Variants in AP3B1 observed in about 807,000 individuals in gnomAD.
The protein encoded by AP3B1 is adaptor related protein complex 3 subunit beta 1.
AP3B1 carries 61 observed loss-of-function variants against 132.5 expected under a neutral mutation model. The observed-to-expected ratio is 0.46, with a 90% CI of 0.37 to 0.57. The LOEUF is 0.57. AP3B1 is among the 20% of genes least tolerant of loss of function. The pLI is 0.00. For synonymous variants in AP3B1, 388 were observed against 438.3 expected (o/e 0.89, Z 1.43); for missense variants, 1,120 against 1,289.4 (o/e 0.87, Z 2.01).
intron 26 of AP3B1, among the ~76,000 whole-genome samples, chr5:78,011,447 G>A (rs1375123332): frequency 2.0e-5 from 3 of 152,156 alleles, no homozygotes; most frequent in Non-Finnish European, 4.4e-5. Flanking sequence ...ATAGTATACT[G>A]TTTGGCTCTG....
intron 21 of AP3B1, among the ~76,000 whole-genome samples, chr5:78,091,556 A>G (rs1427851918): frequency 6.6e-6 from 1 of 152,128 alleles, no homozygotes; most frequent in Non-Finnish European, 1.5e-5. Flanking sequence ...ATCACTGGAG[A>G]AGGAGTGGAA....
chr5:78,220,362 T>C (rs1238385802), intron 6 of AP3B1, among the ~76,000 whole-genome samples: 1 of 150,378 alleles, frequency 6.6e-6, no homozygotes, highest in Non-Finnish European at 1.5e-5. Flanking sequence ...TAAGCCTAAC[T>C]TCAAAACAGA....
chr5:78,253,597 C>A (rs1242595113), intron 2 of AP3B1, among the ~76,000 whole-genome samples: 1 of 152,170 alleles, frequency 6.6e-6, no homozygotes, highest in East Asian at 1.9e-4. Flanking sequence ...AAATATGTGA[C>A]CTTTCAGATA....
intron 1 of AP3B1, among the ~76,000 whole-genome samples, chr5:78,286,997 A>G (rs1474815354): frequency 6.6e-6 from 1 of 152,182 alleles, no homozygotes; most frequent in Non-Finnish European, 1.5e-5. Flanking sequence ...TCAGTAGTTC[A>G]TTTATATACA....
At chr5:78,087,183 C>T (rs1396536993) in intron 22 of AP3B1, among the ~76,000 whole-genome samples, 1 of 152,138 alleles carries the variant, frequency 6.6e-6, no homozygotes, top group Admixed American at 6.5e-5. Context: ...TAGATGTACT[C>T]TATCATCTAT....
chr5:78,240,981 T>C, intron 2 of AP3B1, 45 bp from the exon 3 acceptor site: 1 of 1,343,182 alleles, frequency 7.4e-7, no homozygotes, highest in Non-Finnish European at 1.1e-6. Context: ...TCTATATATA[T>C]TAAATATTTA....
At chr5:78,076,317 T>A (rs1388035685) in intron 22 of AP3B1, among the ~76,000 whole-genome samples, 1 of 152,246 alleles carries the variant, frequency 6.6e-6, no homozygotes, top group Non-Finnish European at 1.5e-5. Context: ...CTTCATATTC[T>A]GGTCTGAATA....
intron 24 of AP3B1, among the ~76,000 whole-genome samples, chr5:78,027,404 T>A (rs1747378611): frequency 6.6e-6 from 1 of 152,088 alleles, no homozygotes; most frequent in Admixed American, 6.5e-5. Flanking sequence ...AATTCTCTGG[T>A]TTCATTGGTT....
intron 18 of AP3B1, among the ~76,000 whole-genome samples, chr5:78,115,302 G>A (rs1751777728): frequency 6.6e-6 from 1 of 152,088 alleles, no homozygotes; most frequent in Admixed American, 6.6e-5. Context: ...CTTACAGTAG[G>A]GTAGCAGATA....
intron 21 of AP3B1, among the ~76,000 whole-genome samples, chr5:78,090,188 C>T (rs970174968): frequency 5.3e-5 from 8 of 152,242 alleles, no homozygotes; most frequent in African/African-American, 1.4e-4. Context: ...CCAGCCCAAA[C>T]AGCCCTTCCT....
rs775073514 is a variant in AP3B1 at position 78,020,742 on chromosome 5, T to A, written c.2942A>T (p.Glu981Val). The change falls in exon 25 of 27, where the codon GAA becomes GTA. Residue 981 changes from glutamate (E) to valine (V), a missense_variant. By Grantham distance (121) the Glu-to-Val change is moderately radical. Around this residue, in one of 3 missense-constraint regions of AP3B1, gnomAD observed 906 missense variants for 997.1 expected, o/e 0.91. Coordinates refer to ENST00000255194, the MANE Select transcript of AP3B1 (RefSeq NM_003664.5). Reference sequence around the variant, plus strand: ...TGACATGGCCACAGGTAAAAGCAGTTCTCCAACAGGTGGCTGAATATTAAC... The same window carrying A: ...TGACATGGCCACAGGTAAAAGCAGTACTCCAACAGGTGGCTGAATATTAAC... ...FNVNIQPPVGELLLPVAMSEK... is the reference protein window; with the variant it reads ...FNVNIQPPVGVLLLPVAMSEK... 6.2e-7 allele frequency: 1 copy of A among 1,612,752 alleles called. No homozygotes were observed. The highest frequency in any genetic ancestry group is 2.2e-5 in the East Asian group (1 of 44,790).
chr5:78,020,502 G>A (rs1747044810), intron 25 of AP3B1, among the ~76,000 whole-genome samples, 190 bp downstream of exon 25: 1 of 152,060 alleles, frequency 6.6e-6, no homozygotes, highest in Admixed American at 6.6e-5. Flanking sequence ...CAATTTTCAA[G>A]TATGCCAGGA....
At chr5:78,144,665 G>A (rs1481916389) in intron 14 of AP3B1, among the ~76,000 whole-genome samples, 2 of 152,142 alleles carry the variant, frequency 1.3e-5, no homozygotes, top group Non-Finnish European at 2.9e-5. Flanking sequence ...GAAATGGCAG[G>A]CATCCTGTGA....
intron 2 of AP3B1, among the ~76,000 whole-genome samples, chr5:78,265,962 T>C (rs1407793763): frequency 6.6e-6 from 1 of 152,226 alleles, no homozygotes; most frequent in Non-Finnish European, 1.5e-5. Context: ...ATGTGTTTCT[T>C]ACTGGGAGAC....
At chr5:78,071,366 C>T (rs1749534873) in intron 22 of AP3B1, among the ~76,000 whole-genome samples, 1 of 152,084 alleles carries the variant, frequency 6.6e-6, no homozygotes. Context: ...AATGAGAACA[C>T]ATGGACACAG....
chr5:78,077,560 C>T (rs565084372), intron 22 of AP3B1, among the ~76,000 whole-genome samples: 2 of 152,346 alleles, frequency 1.3e-5, no homozygotes, highest in Admixed American at 1.3e-4. Context: ...CACCAACATA[C>T]TTCTCAAGTA....
chr5:78,151,113 T>C (rs1753632309), intron 14 of AP3B1, among the ~76,000 whole-genome samples: 1 of 152,000 alleles, frequency 6.6e-6, no homozygotes, highest in African/African-American at 2.4e-5. Flanking sequence ...GAAACGAGGT[T>C]TTACCATGTT....
At chr5:78,246,208 A>AT (rs956417633) in intron 2 of AP3B1, among the ~76,000 whole-genome samples, 2 of 151,074 alleles carry the variant, frequency 1.3e-5, no homozygotes, top group East Asian at 1.9e-4. Flanking sequence ...TTTGACTTTT[A>AT]TTTTTTTTCA....
intron 14 of AP3B1, among the ~76,000 whole-genome samples, chr5:78,151,717 C>T (rs1393856662): frequency 2.0e-5 from 3 of 152,020 alleles, no homozygotes; most frequent in Admixed American, 6.5e-5. Context: ...TTGGTCATGA[C>T]GAATGATTTT....
Sources: allele counts gnomAD v4.1 joint callset (sites outside exome capture counted in the v4.1 genomes callset), GRCh38; gene constraint gnomAD v4.1.1; regional missense constraint gnomAD v4.1.1; transcripts MANE v1.5; gene names NCBI Gene and HGNC (gene_info 2026-07-23, HGNC 2026-07-21).